TLCD3B: variants seen among roughly 807,000 people sequenced by gnomAD.
TLCD3B encodes the protein ceramide synthase.
TLCD3B carries 9 observed loss-of-function variants against 23.0 expected under a neutral mutation model. The ratio of observed to expected loss-of-function variants is 0.39; its 90% CI spans 0.24 to 0.68. The LOEUF is 0.68. TLCD3B is among the 30% of genes least tolerant of loss of function. The probability of loss-of-function intolerance (pLI) is 0.44; values close to 1 mark genes in which losing one functional copy is unlikely to be tolerated. For missense variants in TLCD3B, 307 were observed against 371.8 expected (o/e 0.83, Z 1.43); for synonymous variants, 161 against 161.0 (o/e 1.00, Z 0.00).
At chr16:30,047,880 G>A (rs2071697552) in intron 1 of TLCD3B, among the ~76,000 whole-genome samples, 1 of 147,928 alleles carries the variant, frequency 6.8e-6, no homozygotes, top group African/African-American at 2.5e-5. Flanking sequence ...GGTGGCTCAC[G>A]CCTGTAATCC....
At chr16:30,030,268 T>TG in intron 1 of TLCD3B, 135 bp downstream of exon 1, 1 of 1,155,132 alleles carries the variant, frequency 8.7e-7, no homozygotes, top group Non-Finnish European at 1.2e-6. Context: ...AGAGGAAGCC[T>TG]GGGGGTAAAG....
intron 3 of TLCD3B, among the ~76,000 whole-genome samples, chr16:30,038,448 G>A (rs762703191): frequency 3.3e-5 from 5 of 152,024 alleles, no homozygotes; most frequent in African/African-American, 9.7e-5. Flanking sequence ...GTGCGACTCC[G>A]TCTCTAAAAA....
In TLCD3B at chr16:30,025,354, A is replaced by C. The variant is rs368149523; in HGVS notation, c.654T>G (p.His218Gln). Residue 218 changes from histidine to glutamine, a missense_variant, in exon 5 of 5, where the codon CAT (histidine) becomes CAG (glutamine). His to Gln is a conservative substitution (Grantham distance 24, BLOSUM62 0). Transcript: ENST00000380495. This position sits in a 1 kb window ranked among gnomAD's most constrained non-coding sequence, Gnocchi z 4.1. ...GCACGGCCAGCAGGGGCAGGCCGGC[A>C]TGGCGCCCGTAGGCCCAGTACAGGT... ...FPYLYWAYGR[H>Q]AGLPLLAVPL... 1.9e-6 allele frequency: 3 copies of C among 1,595,768 alleles called. No homozygotes were observed. The highest frequency in any genetic ancestry group is 2.6e-6 in the Non-Finnish European group (3 of 1,170,892).
At chr16:30,026,932 C>T in intron 2 of TLCD3B, 89 bp from the exon 3 acceptor site, 1 of 1,149,512 alleles carries the variant, frequency 8.7e-7, no homozygotes, top group South Asian at 1.3e-5. Flanking sequence ...CACAGCAGCC[C>T]TGGACAGGAG....
intron 3 of TLCD3B, among the ~76,000 whole-genome samples, chr16:30,036,782 G>A (rs2071482278): frequency 1.3e-5 from 2 of 152,248 alleles, no homozygotes; most frequent in Admixed American, 6.5e-5. Context: ...AAAAGGAGAG[G>A]GGAAATAAGA....
At position 30,026,848 on chromosome 16, in the gene TLCD3B, T is replaced by C. The variant is rs770843800; in HGVS notation, c.210-5A>G. 3.7e-6 allele frequency: 6 copies of C among 1,613,080 alleles called. No individual in the cohort carries two copies. The South Asian group carries it at 4.4e-5, about 12-fold the overall frequency. On this transcript the variant is annotated splice_region_variant and splice_polypyrimidine_tract_variant and intron_variant, in intron 2 of 4. Coordinates refer to ENST00000380495, the MANE Select transcript of TLCD3B (RefSeq NM_031478.6). ...TAGGCAGAGGACAGCCAGTGTCTGT[T>C]GGGCAGAGAGACGGGGTGGGGGAGC... is the stretch of plus-strand genomic sequence containing the variant.
chr16:30,050,894 T>C (rs1290322831), intron 1 of TLCD3B, among the ~76,000 whole-genome samples: 2 of 152,068 alleles, frequency 1.3e-5, no homozygotes, highest in Non-Finnish European at 2.9e-5. Flanking sequence ...GATTCAGCCA[T>C]CGTTTAGGAA....
intron 3 of TLCD3B, among the ~76,000 whole-genome samples, chr16:30,038,534 A>G (rs1427080438): frequency 2.0e-5 from 3 of 152,092 alleles, no homozygotes; most frequent in Non-Finnish European, 4.4e-5. Flanking sequence ...GGCAGATCAC[A>G]AGGTCAGGAG....
intron 2 of TLCD3B, among the ~76,000 whole-genome samples, chr16:30,043,048 C>T (rs1266942028): frequency 1.3e-5 from 2 of 151,874 alleles, no homozygotes; most frequent in African/African-American, 4.8e-5. Flanking sequence ...TGCAGTGAGC[C>T]GAGATCAGAC....
chr16:30,049,205 A>G (rs1044066312), intron 1 of TLCD3B, among the ~76,000 whole-genome samples: 1 of 152,168 alleles, frequency 6.6e-6, no homozygotes, highest in Non-Finnish European at 1.5e-5. Context: ...CTCTGTTGAC[A>G]CCAGCTCTAG....
chr16:30,050,225 T>G (rs962682504), intron 1 of TLCD3B, among the ~76,000 whole-genome samples: 1 of 152,158 alleles, frequency 6.6e-6, no homozygotes. Flanking sequence ...AACTTGGTCC[T>G]CAGGATTCCA....
chr16:30,048,384 A>G (rs1188434312), intron 1 of TLCD3B, among the ~76,000 whole-genome samples: 2 of 151,322 alleles, frequency 1.3e-5, no homozygotes, highest in Non-Finnish European at 2.9e-5. Flanking sequence ...GTGCTGGGGG[A>G]TTGCAGGCAT....
intron 3 of TLCD3B, among the ~76,000 whole-genome samples, chr16:30,039,390 TG>T (rs1208744652): frequency 6.6e-6 from 1 of 152,068 alleles, no homozygotes; most frequent in Non-Finnish European, 1.5e-5. Context: ...CCCAAAGTGC[TG>T]GGATTACAGG....
upstream of TLCD3B, chr16:30,035,619 G>A (rs928716497): frequency 2.8e-6 from 2 of 713,962 alleles, no homozygotes; most frequent in Admixed American, 7.2e-5. Flanking sequence ...AAAGCCACCA[G>A]GCAAACCTCT....
intron 3 of TLCD3B, among the ~76,000 whole-genome samples, chr16:30,038,506 C>T (rs1224693332): frequency 2.6e-5 from 4 of 152,168 alleles, no homozygotes; most frequent in African/African-American, 9.7e-5. Flanking sequence ...AATCCCAGCA[C>T]TTTGGGAGGC....
At chr16:30,037,206 G>C (rs2071490812) in intron 3 of TLCD3B, among the ~76,000 whole-genome samples, 1 of 151,668 alleles carries the variant, frequency 6.6e-6, no homozygotes, top group South Asian at 2.1e-4. Flanking sequence ...AGGAGTTCAA[G>C]ACCAGTTTGG....
chr16:30,030,504 C>G lies in TLCD3B; in HGVS notation c.24G>C (p.Gly8=), dbSNP rs572897226. 2.2e-4 allele frequency: 344 copies of G among 1,594,262 alleles called. No homozygotes were observed. Among genetic ancestry groups the G allele is most frequent in the Non-Finnish European group, 2.8e-4 (325 of 1,172,786 alleles). MLTPMVA[G]GVVFPGLFLL... ...GGAAGAGTCCGGGGAACACCACCCC[C>G]CCGGCCACCATCGGGGTCAGCATGG... The change falls in exon 1 of 5, where the codon GGG becomes GGC. Residue 8 remains glycine, a synonymous_variant. Coordinates refer to ENST00000380495, the MANE Select transcript of TLCD3B (RefSeq NM_031478.6).
At position 30,029,587 on chromosome 16, in the gene TLCD3B, T is replaced by C. The variant is rs1248792561; in HGVS notation, c.126-72A>G. 4.6e-6 allele frequency: 6 copies of C among 1,293,702 alleles called. No individual in the cohort carries two copies. In the Admixed American group the frequency reaches 9.4e-5, roughly 20 times the overall value. The allele number at this position is 1,293,702 out of a possible 1,614,324, so 80.1% of individuals were successfully genotyped here. A position where few individuals can be genotyped will look rare whatever the true frequency, so the allele number is the denominator to read the frequency against. ...GTGTGCCTTGATTTCTCCTCGTTGC[T>C]AGTCTAACGACTGCGCTTTGCGTTC... On this transcript the variant is annotated intron_variant, in intron 1 of 4. Transcript: ENST00000380495. This position sits in a 1 kb window ranked among gnomAD's most constrained non-coding sequence, Gnocchi z 4.6.
At chr16:30,050,529 G>A (rs1347062939) in intron 1 of TLCD3B, among the ~76,000 whole-genome samples, 2 of 152,080 alleles carry the variant, frequency 1.3e-5, no homozygotes, top group Non-Finnish European at 2.9e-5. Context: ...GCTACCGAGT[G>A]AGACTCTGTC....
Sources: allele counts gnomAD v4.1 joint callset (sites outside exome capture counted in the v4.1 genomes callset), GRCh38; gene constraint gnomAD v4.1.1; non-coding constraint Gnocchi (gnomAD v3.1); transcripts MANE v1.5; gene names NCBI Gene and HGNC (gene_info 2026-07-23, HGNC 2026-07-21).